Variants in TBX20 observed in about 807,000 individuals in gnomAD.
TBX20 encodes T-box transcription factor TBX20.
A neutral mutation model predicts 42.9 loss-of-function variants in TBX20; 8 were observed. That is an observed-to-expected ratio of 0.19 (90% CI 0.11 to 0.34). TBX20 has a LOEUF of 0.34. TBX20 is among the 10% of genes least tolerant of loss of function. The pLI is 1.00. For missense variants in TBX20, 411 were observed against 566.0 expected, an observed-to-expected ratio of 0.73 and a Z score of 2.78; for synonymous variants, 198 against 222.8, an observed-to-expected ratio of 0.89 and a Z score of 0.99.
chr7:35,252,668 G>A (rs1299577271), intron 1 of TBX20, among the ~76,000 whole-genome samples: 1 of 152,184 alleles, frequency 6.6e-6, no homozygotes, highest in Non-Finnish European at 1.5e-5. Flanking sequence ...ATCAGGCTGT[G>A]TAACAATTAT....
chr7:35,246,602 T>C (rs938148860), intron 3 of TBX20, among the ~76,000 whole-genome samples: 2 of 152,152 alleles, frequency 1.3e-5, no homozygotes, highest in Non-Finnish European at 2.9e-5. Flanking sequence ...ATAAGTAATA[T>C]CTTGCTTATT....
chr7:35,224,713 AAC>A (rs761784156), intron 6 of TBX20, among the ~76,000 whole-genome samples: 7 of 152,224 alleles, frequency 4.6e-5, no homozygotes, highest in Non-Finnish European at 8.8e-5. Context: ...AGGATGGTTC[AAC>A]AGAGACAATA....
chr7:35,250,490 G>A (rs1259927819), intron 1 of TBX20, among the ~76,000 whole-genome samples: 2 of 152,214 alleles, frequency 1.3e-5, no homozygotes, highest in Non-Finnish European at 2.9e-5. Flanking sequence ...AAGAGTGGAA[G>A]AAGGGAAGGG....
chr7:35,238,474 T>C (rs1790010411), intron 5 of TBX20, among the ~76,000 whole-genome samples: 1 of 152,260 alleles, frequency 6.6e-6, no homozygotes, highest in African/African-American at 2.4e-5. Flanking sequence ...GAAGTGTCTA[T>C]GCCATTCCCA....
intron 7 of TBX20, among the ~76,000 whole-genome samples, chr7:35,203,751 C>G (rs1789346966): frequency 6.6e-6 from 1 of 152,180 alleles, no homozygotes; most frequent in South Asian, 2.1e-4. Context: ...AACTGTAATA[C>G]TAGTGGTTCA....
intron 1 of TBX20, among the ~76,000 whole-genome samples, chr7:35,250,969 C>A (rs1292797689): frequency 6.6e-6 from 1 of 152,158 alleles, no homozygotes; most frequent in East Asian, 1.9e-4. Context: ...TAAAATTTTT[C>A]TTTCTCCCAG....
chr7:35,203,689 G>A lies in TBX20; in HGVS notation c.1003+781C>T, dbSNP rs563931830. Among the ~76,000 whole-genome samples, 14 of 152,316 alleles carry A rather than the reference G, an allele frequency of 9.2e-5. No homozygotes were observed. The East Asian group carries it at 1.7e-3, about 19-fold the overall frequency. The stretch of plus-strand genomic sequence containing the variant: ...TTAGGAAGTGAAAAGTTATATGCAC[G>A]TTTTGGACCACACAGGAGTTGGTTC... On this transcript the variant is annotated intron_variant, in intron 7 of 7. Transcript: ENST00000408931.
chr7:35,225,664 T>C (rs1324366024), intron 6 of TBX20, among the ~76,000 whole-genome samples: 4 of 152,180 alleles, frequency 2.6e-5, no homozygotes, highest in Admixed American at 2.0e-4. Context: ...TAGATGAGAA[T>C]AGGAATATGT....
At chr7:35,231,121 T>C (rs187475370) in intron 6 of TBX20, among the ~76,000 whole-genome samples, 69 of 152,334 alleles carry the variant, frequency 4.5e-4, no homozygotes, top group Admixed American at 5.9e-4. Flanking sequence ...CTTACACTCT[T>C]TGTGTTAGCA....
chr7:35,238,992 G>A (rs958698372), intron 5 of TBX20, among the ~76,000 whole-genome samples: 1 of 152,090 alleles, frequency 6.6e-6, no homozygotes, highest in African/African-American at 2.4e-5. Flanking sequence ...AGCTTCCAAA[G>A]GCTTAAACAA....
intron 5 of TBX20, among the ~76,000 whole-genome samples, chr7:35,240,608 G>A (rs1790056936): frequency 6.6e-6 from 1 of 152,150 alleles, no homozygotes; most frequent in Admixed American, 6.5e-5. Flanking sequence ...TAACTTTCTG[G>A]AGAAGAAAAT....
At chr7:35,241,555 TC>T (rs1213031351) in intron 4 of TBX20, among the ~76,000 whole-genome samples, 2 of 152,194 alleles carry the variant, frequency 1.3e-5, no homozygotes, top group Non-Finnish European at 2.9e-5. Flanking sequence ...TGATCTCATC[TC>T]CCCAATTCCT....
rs1395628195 is a variant in TBX20, at chr7:35,249,386, C to T, written c.381-545G>A. Among the ~76,000 whole-genome samples, 1 of 152,262 alleles carries T rather than the reference C, an allele frequency of 6.6e-6. No individual in the cohort carries two copies. The highest frequency in any genetic ancestry group is 1.5e-5 in the Non-Finnish European group (1 of 68,040). On this transcript the variant is annotated intron_variant, in intron 2 of 7. Coordinates refer to ENST00000408931, the MANE Select transcript of TBX20 (RefSeq NM_001077653.2). This position sits in a 1 kb window ranked among gnomAD's most constrained non-coding sequence, Gnocchi z 4.3. ...GCCCCATCCCAACCTCCCTGCAGCC[C>T]TGCAGCTTCCTGCCTGGCCAAAGCC...
In TBX20 at chr7:35,237,563, G is replaced by A. The variant is rs142511461; in HGVS notation, c.813+3316C>T. 5.2e-3 allele frequency among the ~76,000 whole-genome samples: 797 copies of A among 152,020 alleles called. 18 individuals carry two copies. Among genetic ancestry groups the A allele is most frequent in the Admixed American group, 0.033 (500 of 15,232 alleles). ...AACTGGGAAGGAAGAGGGGAAGTAC[G>A]TTTGCATATAGAGAGAGGAAGAGGG... is the stretch of plus-strand genomic sequence containing the variant. On this transcript the variant is annotated intron_variant, in intron 5 of 7. Transcript: ENST00000408931.
intron 6 of TBX20, among the ~76,000 whole-genome samples, chr7:35,224,019 A>T (rs905460689): frequency 2.2e-4 from 34 of 152,318 alleles, no homozygotes; most frequent in Admixed American, 1.9e-3. Context: ...TTAAAGTAGA[A>T]CTTGAGACAA....
intron 6 of TBX20, among the ~76,000 whole-genome samples, chr7:35,209,330 A>G (rs965594956): frequency 1.3e-5 from 2 of 152,170 alleles, no homozygotes; most frequent in African/African-American, 4.8e-5. Context: ...TTTCTTTATA[A>G]AAGTTTTTTA....
At chr7:35,210,281 A>AT (rs1040921676) in intron 6 of TBX20, among the ~76,000 whole-genome samples, 1 of 151,526 alleles carries the variant, frequency 6.6e-6, no homozygotes, top group African/African-American at 2.4e-5. Context: ...CGCCTGGCTA[A>AT]TTTTTTTGTA....
chr7:35,210,598 G>C (rs1203353137), intron 6 of TBX20, among the ~76,000 whole-genome samples: 1 of 152,040 alleles, frequency 6.6e-6, no homozygotes, highest in Non-Finnish European at 1.5e-5. Context: ...CAGACATAAA[G>C]ATGTAGGACT....
At chr7:35,242,728 T>C (rs1678777417) in intron 4 of TBX20, among the ~76,000 whole-genome samples, 1 of 152,154 alleles carries the variant, frequency 6.6e-6, no homozygotes, top group Non-Finnish European at 1.5e-5. Flanking sequence ...CAGAGCTCCC[T>C]GAATCTCTGC....
Sources: gnomAD v4.1 joint callset for allele counts (sites outside exome capture counted in the v4.1 genomes callset) on GRCh38, gnomAD v4.1.1 for gene constraint, Gnocchi (gnomAD v3.1) non-coding constraint, MANE v1.5 for transcripts, NCBI Gene and HGNC (gene_info 2026-07-23, HGNC 2026-07-21) for gene names.